Variants in FAM184B observed in about 807,000 individuals in gnomAD.
The protein encoded by FAM184B is protein FAM184B.
FAM184B carries 111 observed loss-of-function variants against 135.9 expected under a neutral mutation model. The observed-to-expected ratio is 0.82, with a 90% CI of 0.70 to 0.96. The LOEUF (loss-of-function observed/expected upper bound fraction) is 0.96. Among genes scored for constraint, FAM184B ranks in the 40% least tolerant of loss-of-function variants. The pLI is 0.00. For missense variants in FAM184B, 1,375 were observed against 1,323.9 expected, an observed-to-expected ratio of 1.04 and a Z score of -0.60; for synonymous variants, 552 against 524.8, an observed-to-expected ratio of 1.05 and a Z score of -0.71.
In FAM184B at chr4:17,693,380, C is replaced by A. The variant is rs1438470533; in HGVS notation, c.1410G>T (p.Lys470Asn). Residue 470 changes from lysine to asparagine, a missense_variant, in exon 6 of 18, where the codon AAG (lysine) becomes AAT (asparagine). Lys to Asn is a moderately conservative substitution (Grantham distance 94, BLOSUM62 0). Coordinates refer to ENST00000265018, the MANE Select transcript of FAM184B (RefSeq NM_015688.2). Reference protein sequence around the residue: ...EVEAQLEEVRKKSEKEIKQLE... With the variant: ...EVEAQLEEVRNKSEKEIKQLE... ...GCTGCTTTATCTCCTTTTCTGATTT[C>A]TTCCTCACTTCCTCCAACTGTGCTT... is the stretch of plus-strand genomic sequence containing the variant. 6.4e-7 allele frequency: 1 copy of A among 1,551,560 alleles called. No homozygotes were observed. The highest frequency in any genetic ancestry group is 2.4e-5 in the East Asian group (1 of 40,944).
chr4:17,714,200 G>A (rs553055220), intron 1 of FAM184B, among the ~76,000 whole-genome samples: 6 of 152,256 alleles, frequency 3.9e-5, no homozygotes, highest in Admixed American at 2.6e-4. Context: ...CTTCCACAGC[G>A]AAGAGCTGCT....
At chr4:17,741,238 GAATA>G (rs1718025649) in intron 1 of FAM184B, among the ~76,000 whole-genome samples, 1 of 152,194 alleles carries the variant, frequency 6.6e-6, no homozygotes, top group Admixed American at 6.5e-5. Flanking sequence ...CTCAAAGAAA[GAATA>G]AAGCAAGGAA....
At chr4:17,656,740 G>T (rs980540095) in intron 10 of FAM184B, among the ~76,000 whole-genome samples, 16 of 152,144 alleles carry the variant, frequency 1.1e-4, no homozygotes, top group African/African-American at 3.9e-4. Flanking sequence ...CTTATCAGGG[G>T]AATATGTGCA....
At chr4:17,741,473 C>T (rs1313313166) in intron 1 of FAM184B, among the ~76,000 whole-genome samples, 2 of 152,164 alleles carry the variant, frequency 1.3e-5, no homozygotes, top group Non-Finnish European at 2.9e-5. Context: ...GCAGGTGGAT[C>T]ACCTGAGGTC....
chr4:17,664,549 T>A lies in FAM184B; in HGVS notation c.1694+13A>T. On this transcript the variant is annotated intron_variant, in intron 8 of 17. Coordinates refer to ENST00000265018, the MANE Select transcript of FAM184B (RefSeq NM_015688.2). ...TCAATGGAGCACTCAGAAGTCTGCATGTCCTCCTGTACCTTTCTTCTTCAT... is the reference window on the plus strand; with the variant it reads ...TCAATGGAGCACTCAGAAGTCTGCAAGTCCTCCTGTACCTTTCTTCTTCAT... The A allele has an allele frequency of 6.5e-7, 1 of 1,542,266 alleles. No homozygotes were observed. Among genetic ancestry groups the A allele is most frequent in the Admixed American group, 2.0e-5 (1 of 50,520 alleles).
At chr4:17,653,372 G>A (rs1715683516) in intron 10 of FAM184B, among the ~76,000 whole-genome samples, 1 of 152,216 alleles carries the variant, frequency 6.6e-6, no homozygotes. Flanking sequence ...CAGGACTAGT[G>A]TGGTGATGGC....
At chr4:17,746,259 G>A (rs1002403655) in intron 1 of FAM184B, among the ~76,000 whole-genome samples, 1 of 151,776 alleles carries the variant, frequency 6.6e-6, no homozygotes, top group Non-Finnish European at 1.5e-5. Context: ...GCACCTGACT[G>A]CTACAAAAAA....
chr4:17,701,208 T>C (rs565871132), intron 5 of FAM184B, among the ~76,000 whole-genome samples: 22 of 152,294 alleles, frequency 1.4e-4, no homozygotes, highest in African/African-American at 5.3e-4. Context: ...AAATATGCAT[T>C]CAGTCAATGG....
intron 4 of FAM184B, 97 bp downstream of exon 4, chr4:17,705,655 A>T: frequency 5.7e-6 from 8 of 1,396,456 alleles, no homozygotes; most frequent in Non-Finnish European, 6.8e-6. Flanking sequence ...TTCCAAGTGG[A>T]TCCACTATGC....
chr4:17,664,788 G>A (rs753040210), intron 7 of FAM184B, 129 bp from the exon 8 acceptor site: 5 of 710,240 alleles, frequency 7.0e-6, no homozygotes, highest in South Asian at 5.8e-5. Context: ...ACCCACTATC[G>A]GTGCCCTGCT....
At chr4:17,641,461 CTTTTTTTTTTTTTTTTTTTTTTTTT>C (rs71167316) in intron 13 of FAM184B, among the ~76,000 whole-genome samples, 18 of 45,648 alleles carry the variant, frequency 3.9e-4, no homozygotes, top group Admixed American at 1.7e-3. Context: ...AGGACTCCCT[CTTTTTTTTTTTTTTTTTTTTTTTTT>C]TTTTTTTTTT....
intron 5 of FAM184B, among the ~76,000 whole-genome samples, chr4:17,695,156 T>TGGGG (rs72172150): frequency 4.8e-4 from 3 of 6,268 alleles, no homozygotes; most frequent in African/African-American, 5.0e-4. Flanking sequence ...ACTGTTTTTC[T>TGGGG]TTGTTGTTTT....
At chr4:17,722,998 C>T (rs968598192) in intron 1 of FAM184B, among the ~76,000 whole-genome samples, 2 of 152,198 alleles carry the variant, frequency 1.3e-5, no homozygotes, top group African/African-American at 4.8e-5. Context: ...CAGAGCAGCT[C>T]TTCCAGTTCA....
intron 1 of FAM184B, among the ~76,000 whole-genome samples, chr4:17,740,797 T>C (rs896388674): frequency 6.6e-6 from 1 of 152,224 alleles, no homozygotes; most frequent in Non-Finnish European, 1.5e-5. Flanking sequence ...TAAAGCCTCA[T>C]GGGAGACTTA....
intron 11 of FAM184B, among the ~76,000 whole-genome samples, chr4:17,649,219 G>A (rs1328967169): frequency 6.6e-6 from 1 of 152,128 alleles, no homozygotes; most frequent in Non-Finnish European, 1.5e-5. Context: ...TTTCCTATAA[G>A]CTTACTAACC....
At chr4:17,647,908 G>A (rs1715512972) in intron 11 of FAM184B, 117 bp from the exon 12 acceptor site, 1 of 1,160,416 alleles carries the variant, frequency 8.6e-7, no homozygotes, top group African/African-American at 1.5e-5. Context: ...GAAGGCTTGT[G>A]GTGGGTTAGG....
At position 17,709,498 on chromosome 4, in the gene FAM184B, G is replaced by T; in HGVS notation, c.288C>A (p.Ala96=). 1 of 1,550,462 alleles carries T rather than the reference G, an allele frequency of 6.4e-7. No homozygotes were observed. Among genetic ancestry groups the T allele is most frequent in the East Asian group, 2.4e-5 (1 of 40,902 alleles). ...CCAGGGCCTGGATGCGCTGTAGAAG[G>T]GCTTCCTCCTCTGCGCAGCCCTGTT... ...LQEQGCAEEE[A]LLQRIQALES... is the part of the protein sequence containing the mutation. The change falls in exon 2 of 18, where the codon GCC becomes GCA. Residue 96 remains alanine, a synonymous_variant. Coordinates refer to ENST00000265018, the MANE Select transcript of FAM184B (RefSeq NM_015688.2).
intron 7 of FAM184B, among the ~76,000 whole-genome samples, chr4:17,685,421 C>G (rs868111286): frequency 5.3e-5 from 8 of 151,408 alleles, no homozygotes; most frequent in African/African-American, 1.9e-4. Flanking sequence ...TGGTGGTGTG[C>G]GCCTATAGTC....
chr4:17,738,308 G>A lies in FAM184B; in HGVS notation c.142-28664C>T, dbSNP rs189200288. ...CATGGAAAAAGCTTCCTGTTAGTAG[G>A]AAAGGGTGACCCTGCCAAGCAGATC... is the stretch of plus-strand genomic sequence containing the variant. On this transcript the variant is annotated intron_variant, in intron 1 of 17. Coordinates refer to ENST00000265018, the MANE Select transcript of FAM184B (RefSeq NM_015688.2). Among the ~76,000 whole-genome samples, 260 of 152,178 alleles carry A rather than the reference G, an allele frequency of 1.7e-3. 2 individuals carry two copies. The highest frequency in any genetic ancestry group is 7.7e-3 in the Admixed American group (118 of 15,288).
Sources: allele counts gnomAD v4.1 joint callset (sites outside exome capture counted in the v4.1 genomes callset), GRCh38; gene constraint gnomAD v4.1.1; transcripts MANE v1.5; gene names NCBI Gene and HGNC (gene_info 2026-07-23, HGNC 2026-07-21).